The following PLCB4 variants were observed in gnomAD, a reference collection of about 807,000 sequenced individuals.
The protein encoded by PLCB4 is phospholipase C beta 4.
PLCB4 carries 77 observed loss-of-function variants against 178.8 expected under a neutral mutation model. That is an observed-to-expected ratio of 0.43 (90% CI 0.36 to 0.52). The LOEUF (loss-of-function observed/expected upper bound fraction) is 0.52. PLCB4 is among the 20% of genes least tolerant of loss of function. The pLI, the probability that PLCB4 is intolerant of heterozygous loss-of-function variation, is 0.00. For missense variants in PLCB4, 1,024 were observed against 1,453.4 expected, an observed-to-expected ratio of 0.70 and a Z score of 4.80; for synonymous variants, 496 against 490.8, an observed-to-expected ratio of 1.01 and a Z score of -0.14.
intron 32 of PLCB4, among the ~76,000 whole-genome samples, chr20:9,444,687 G>A (rs1040542330): frequency 7.2e-5 from 11 of 152,198 alleles, no homozygotes; most frequent in South Asian, 6.2e-4. Context: ...GCTTTAACCC[G>A]GGAGGCAGAG....
intron 7 of PLCB4, among the ~76,000 whole-genome samples, chr20:9,345,522 G>A: frequency 6.6e-6 from 1 of 152,176 alleles, no homozygotes; most frequent in East Asian, 1.9e-4. Flanking sequence ...ACAGTCACTA[G>A]ACGTAAGATG....
intron 2 of PLCB4, among the ~76,000 whole-genome samples, chr20:9,203,646 G>T (rs2093578287): frequency 6.6e-6 from 1 of 152,082 alleles, no homozygotes; most frequent in African/African-American, 2.4e-5. Flanking sequence ...AATGAGTTAG[G>T]TAGATAATTT....
chr20:9,473,312 T>C lies in PLCB4; in HGVS notation c.3442T>C (p.Leu1148=), dbSNP rs1168909082. 5.6e-6 allele frequency: 9 copies of C among 1,601,972 alleles called. No individual in the cohort carries two copies. The highest frequency in any genetic ancestry group is 2.3e-5 in the East Asian group (1 of 44,406). Residue 1148 remains leucine, a synonymous_variant, in exon 38 of 40, where the codon TTG becomes CTG. Transcript: ENST00000378473. ...AMKQSKEMDQ[L]KKVQLEHLEF... Reference sequence around the variant, plus strand: ...GAAGCAGTCCAAAGAAATGGATCAGTTGAAAAAAGTCCAGCTTGAACATCT... The same window carrying C: ...GAAGCAGTCCAAAGAAATGGATCAGCTGAAAAAAGTCCAGCTTGAACATCT...
intron 7 of PLCB4, among the ~76,000 whole-genome samples, chr20:9,360,616 G>C (rs1197939689): frequency 6.6e-6 from 1 of 152,116 alleles, no homozygotes; most frequent in Non-Finnish European, 1.5e-5. Flanking sequence ...GGGAAACTCT[G>C]TGTGGGCCTG....
At chr20:9,473,253 AATTTT>A in intron 37 of PLCB4, 21 bp from the exon 38 acceptor site, 2 of 1,108,860 alleles carry the variant, frequency 1.8e-6, no homozygotes, top group Non-Finnish European at 2.6e-6. Flanking sequence ...GTTCAATCAG[AATTTT>A]TTTTTTTTTT....
chr20:9,084,930 G>A (rs1027963966), intron 1 of PLCB4, among the ~76,000 whole-genome samples: 34 of 151,906 alleles, frequency 2.2e-4, no homozygotes, highest in African/African-American at 6.0e-4. Context: ...GCGTGCGCCT[G>A]TTGTCCCAGC....
chr20:9,471,725 A>G (rs1214549228), intron 36 of PLCB4, among the ~76,000 whole-genome samples: 2 of 152,166 alleles, frequency 1.3e-5, no homozygotes, highest in African/African-American at 4.8e-5. Context: ...CATCCAACTG[A>G]CAGAAAGTCT....
chr20:9,386,666 A>G (rs944931094), intron 14 of PLCB4, among the ~76,000 whole-genome samples: 1 of 151,830 alleles, frequency 6.6e-6, no homozygotes, highest in African/African-American at 2.4e-5. Flanking sequence ...ATTTTATTTT[A>G]TTATTATTAT....
intron 2 of PLCB4, among the ~76,000 whole-genome samples, chr20:9,206,299 C>CTTTTTTTTTTTTTTTTTTT (rs71184138): frequency 5.2e-5 from 5 of 96,128 alleles, no homozygotes; most frequent in African/African-American, 7.7e-5. Context: ...TTTCTTTTTT[C>CTTTTTTTTTTTTTTTTTTT]TTTTTTTTTT....
intron 2 of PLCB4, among the ~76,000 whole-genome samples, chr20:9,159,851 C>T (rs1329857834): frequency 1.3e-5 from 2 of 152,148 alleles, no homozygotes; most frequent in African/African-American, 4.8e-5. Context: ...GTTCCAAAGT[C>T]ATAGCAAGAT....
chr20:9,262,683 T>G (rs2094310234), intron 3 of PLCB4, among the ~76,000 whole-genome samples: 1 of 152,174 alleles, frequency 6.6e-6, no homozygotes, highest in Admixed American at 6.5e-5. Flanking sequence ...CCTGGTACTG[T>G]TGGATATGGA....
chr20:9,235,239 G>A (rs2093980520), intron 3 of PLCB4, among the ~76,000 whole-genome samples: 1 of 152,124 alleles, frequency 6.6e-6, no homozygotes, highest in Non-Finnish European at 1.5e-5. Context: ...AGGGGTGCTT[G>A]CATCTGATTT....
At chr20:9,368,230 A>G (rs1207979555) in intron 9 of PLCB4, among the ~76,000 whole-genome samples, 4 of 152,222 alleles carry the variant, frequency 2.6e-5, no homozygotes, top group Non-Finnish European at 4.4e-5. Context: ...TTTAATATCC[A>G]GGAAGTTGCA....
chr20:9,468,111 A>G (rs1025962008), intron 35 of PLCB4, among the ~76,000 whole-genome samples: 1 of 152,192 alleles, frequency 6.6e-6, no homozygotes, highest in Admixed American at 6.5e-5. Context: ...CCCAAATAAT[A>G]TGAAGCAAAA....
At chr20:9,294,111 A>G (rs1298832880) in intron 3 of PLCB4, among the ~76,000 whole-genome samples, 2 of 152,126 alleles carry the variant, frequency 1.3e-5, no homozygotes, top group Non-Finnish European at 2.9e-5. Flanking sequence ...CTTAAATTTA[A>G]AGGAATTTGC....
At chr20:9,265,228 A>G (rs1181172278) in intron 3 of PLCB4, among the ~76,000 whole-genome samples, 1 of 152,134 alleles carries the variant, frequency 6.6e-6, no homozygotes, top group African/African-American at 2.4e-5. Context: ...CATGTCTGCA[A>G]TTCCAGCACT....
chr20:9,137,209 T>C (rs2092401072), intron 2 of PLCB4, among the ~76,000 whole-genome samples: 1 of 152,120 alleles, frequency 6.6e-6, no homozygotes, highest in African/African-American at 2.4e-5. Context: ...TAACCTCTTA[T>C]TAAACTCCCT....
At chr20:9,128,380 G>A (rs1256295605) in intron 2 of PLCB4, among the ~76,000 whole-genome samples, 1 of 152,100 alleles carries the variant, frequency 6.6e-6, no homozygotes, top group Non-Finnish European at 1.5e-5. Context: ...TTTCTTTGTA[G>A]AGATACCAAA....
intron 4 of PLCB4, among the ~76,000 whole-genome samples, chr20:9,314,517 A>T (rs1352585109): frequency 6.6e-6 from 1 of 152,166 alleles, no homozygotes; most frequent in African/African-American, 2.4e-5. Context: ...CTCTGATGCA[A>T]GGTGGAGAGA....
Sources: allele counts gnomAD v4.1 joint callset (sites outside exome capture counted in the v4.1 genomes callset), GRCh38; gene constraint gnomAD v4.1.1; transcripts MANE v1.5; gene names NCBI Gene and HGNC (gene_info 2026-07-23, HGNC 2026-07-21).